The following NRP2 variants were observed in gnomAD, a reference collection of about 807,000 sequenced individuals.
NRP2 encodes the protein neuropilin 2, also known as neuropilin-2.
A neutral mutation model predicts 110.4 loss-of-function variants in NRP2; 52 were observed. The ratio of observed to expected loss-of-function variants is 0.47; its 90% CI spans 0.38 to 0.59. The LOEUF (loss-of-function observed/expected upper bound fraction) is 0.59. NRP2 is among the 20% of genes least tolerant of loss of function. The pLI is 0.00. For missense variants in NRP2, 1,049 were observed against 1,203.0 expected (o/e 0.87, Z 1.89); for synonymous variants, 508 against 468.9 (o/e 1.08, Z -1.08).
intron 7 of NRP2, among the ~76,000 whole-genome samples, chr2:205,734,473 G>A (rs1183422860): frequency 2.8e-5 from 4 of 144,262 alleles, no homozygotes; most frequent in Non-Finnish European, 4.5e-5. Context: ...AATTAAACAG[G>A]ATGGCATTCA....
chr2:205,740,570 G>T lies in NRP2; in HGVS notation c.1198G>T (p.Ala400Ser). 1 of 1,614,174 alleles carries T rather than the reference G, an allele frequency of 6.2e-7. No individual in the cohort carries two copies. Among genetic ancestry groups the T allele is most frequent in the Non-Finnish European group, 8.5e-7 (1 of 1,180,026 alleles). The part of the protein sequence containing the change: ...ATEVVLNKLH[A>S]PLLTRFVRIR... ...TGAGGTGGTTCTGAACAAGCTCCAC[G>T]CTCCACTGCTGACAAGGTTTGTTAG... Residue 400 changes from alanine (A) to serine (S), a missense_variant, in exon 8 of 17, where the codon GCT (alanine) becomes TCT (serine). Physicochemically the swap from Ala to Ser is moderately conservative, Grantham distance 99 (BLOSUM62 1). Transcript: ENST00000357785.
rs372427483 is a variant in NRP2, at chr2:205,771,507, T to TGAAAGA, written c.2425+4713_2425+4718dup. On this transcript the variant is annotated intron_variant, in intron 15 of 16. Transcript: ENST00000357785. Reference sequence around the variant, plus strand: ...ATTCTGACATGCAATGAGCCTTTTTTGAAAGAGAAAGAGAGAAGGCTTACC... The same window carrying TGAAAGA: ...ATTCTGACATGCAATGAGCCTTTTTTGAAAGAGAAAGAGAAAGAGAGAAGGCTTACC... 5.4e-4 allele frequency among the ~76,000 whole-genome samples: 82 copies of TGAAAGA among 152,362 alleles called. 1 individual carries two copies. The highest frequency in any genetic ancestry group is 3.4e-3 in the Middle Eastern group (1 of 294).
At chr2:205,730,286 G>A (rs1018559420) in intron 7 of NRP2, among the ~76,000 whole-genome samples, 1 of 152,112 alleles carries the variant, frequency 6.6e-6, no homozygotes, top group Non-Finnish European at 1.5e-5. Flanking sequence ...GGGCTGTTGG[G>A]GTTGAAGTAG....
In NRP2 at chr2:205,697,216, G is replaced by A. The variant is rs548390459; in HGVS notation, c.74-328G>A. 3.9e-5 allele frequency among the ~76,000 whole-genome samples: 6 copies of A among 152,210 alleles called. No individual in the cohort carries two copies. The South Asian group carries it at 1.2e-3, about 32-fold the overall frequency. ...TGGGCCAAGGAGGGGAGGCAGGAAA[G>A]GCAGGGAGGCATGTTGAGTTTGCAG... On this transcript the variant is annotated intron_variant, in intron 1 of 16. Coordinates refer to ENST00000357785, the MANE Select transcript of NRP2 (RefSeq NM_003872.3).
At chr2:205,720,300 G>A (rs1294067186) in intron 3 of NRP2, among the ~76,000 whole-genome samples, 1 of 142,290 alleles carries the variant, frequency 7.0e-6, no homozygotes, top group Non-Finnish European at 1.5e-5. Flanking sequence ...AGTACCTAAG[G>A]TTGAAGTTTC....
chr2:205,747,697 T>A (rs867525769), intron 10 of NRP2, among the ~76,000 whole-genome samples: 2 of 152,130 alleles, frequency 1.3e-5, no homozygotes, highest in Non-Finnish European at 2.9e-5. Flanking sequence ...AAGGTAGAAG[T>A]CACTTGCCAG....
rs758868316 is a variant in NRP2, at chr2:205,763,888, G to C, written c.2259G>C (p.Glu753Asp). The change falls in exon 13 of 17, where the codon GAG (glutamate) becomes GAC (aspartate). Residue 753 changes from glutamate (E) to aspartate (D), a missense_variant. Transcript: ENST00000357785. The surrounding 1 kb of genome is among the most constrained non-coding windows in gnomAD (Gnocchi z 4.0). ...LWVIREDQGG[E>D]WKHGRIILPS... ...TCATCCGTGAGGACCAGGGCGGCGA[G>C]TGGAAGCACGGGCGGATCATCCTGC... The C allele has an allele frequency of 2.5e-6, 4 of 1,614,072 alleles. No individual in the cohort carries two copies. In the Admixed American group the frequency reaches 5.0e-5, roughly 20 times the overall value.
intron 12 of NRP2, 106 bp downstream of exon 12, chr2:205,753,081 A>G: frequency 6.9e-7 from 1 of 1,440,858 alleles, no homozygotes; most frequent in South Asian, 1.2e-5. Flanking sequence ...CCGCACAGCA[A>G]TCCTCTATTC....
intron 15 of NRP2, chr2:205,776,160 G>A (rs771527300): frequency 2.3e-6 from 3 of 1,308,528 alleles, no homozygotes; most frequent in South Asian, 1.2e-5. Context: ...CAAAGCATGT[G>A]TGTGTTTCTT....
chr2:205,786,878 G>A (rs143737091), intron 15 of NRP2, among the ~76,000 whole-genome samples: 168 of 152,220 alleles, frequency 1.1e-3, no homozygotes, highest in African/African-American at 3.5e-3. Context: ...CCTTTTTGTG[G>A]TCTTCTCTTT....
In NRP2 at chr2:205,697,678, C is replaced by G. The variant is rs545784428; in HGVS notation, c.208C>G (p.Leu70Val). ...YAPEPNQKIVLNFNPHFEIEK... is the reference protein window; with the variant it reads ...YAPEPNQKIVVNFNPHFEIEK... Reference sequence around the variant, plus strand: ...CCCCGAACCCAACCAGAAGATTGTCCTCAACTTCAACCCTCACTTTGAAAT... The same window carrying G: ...CCCCGAACCCAACCAGAAGATTGTCGTCAACTTCAACCCTCACTTTGAAAT... Residue 70 changes from leucine (L) to valine (V), a missense_variant, in exon 2 of 17, where the codon CTC becomes GTC. Transcript: ENST00000357785. 8 of 1,614,042 alleles carry G rather than the reference C, an allele frequency of 5.0e-6. No homozygotes were observed. Among genetic ancestry groups the G allele is most frequent in the Admixed American group, 1.7e-5 (1 of 60,012 alleles).
chr2:205,697,044 C>T (rs543980626), intron 1 of NRP2, among the ~76,000 whole-genome samples: 11 of 152,242 alleles, frequency 7.2e-5, no homozygotes, highest in East Asian at 1.9e-4. Context: ...TTACCAGGCT[C>T]GCTTGTGGGT....
In NRP2 at chr2:205,716,193, G is replaced by T; in HGVS notation, c.252G>T (p.Lys84Asn). 1 of 1,614,132 alleles carries T rather than the reference G, an allele frequency of 6.2e-7. No individual in the cohort carries two copies. The highest frequency in any genetic ancestry group is 8.5e-7 in the Non-Finnish European group (1 of 1,180,028). Residue 84 changes from lysine (K) to asparagine (N), a missense_variant and splice_region_variant, in exon 3 of 17, where the codon AAG (lysine) becomes AAT (asparagine). Lys to Asn is a moderately conservative substitution (Grantham distance 94, BLOSUM62 0). Transcript: ENST00000357785. ...TCTTGTCTGTGCCATCCCCACCCAG[G>T]TATGACTTTATCGAGATTCGGGATG... Reference protein sequence around the residue: ...PHFEIEKHDCKYDFIEIRDGD... With the variant: ...PHFEIEKHDCNYDFIEIRDGD...
intron 9 of NRP2, among the ~76,000 whole-genome samples, chr2:205,744,168 C>T (rs927804038): frequency 6.6e-6 from 1 of 152,090 alleles, no homozygotes; most frequent in South Asian, 2.1e-4. Flanking sequence ...GTGATAGAGC[C>T]GATTCAGAAA....
intron 16 of NRP2, among the ~76,000 whole-genome samples, chr2:205,794,188 G>A (rs2058330849): frequency 6.6e-6 from 1 of 152,152 alleles, no homozygotes; most frequent in African/African-American, 2.4e-5. Flanking sequence ...TCGGCTCACT[G>A]CAAGCTCTGC....
At chr2:205,728,782 G>A (rs536873950) in intron 7 of NRP2, among the ~76,000 whole-genome samples, 1 of 152,362 alleles carries the variant, frequency 6.6e-6, no homozygotes, top group African/African-American at 2.4e-5. Context: ...GCCCATGGGG[G>A]CTTATTGCAA....
chr2:205,732,050 C>T (rs568440058), intron 7 of NRP2, among the ~76,000 whole-genome samples: 8 of 152,338 alleles, frequency 5.3e-5, no homozygotes, highest in African/African-American at 1.7e-4. Context: ...CTCCACAATC[C>T]GCCCTAGGCC....
intron 15 of NRP2, 54 bp from the exon 16 acceptor site, chr2:205,792,181 A>G: frequency 8.1e-7 from 1 of 1,230,798 alleles, no homozygotes; most frequent in East Asian, 2.3e-5. Context: ...CCTGCCTTTT[A>G]GCCATGGTGA....
intron 2 of NRP2, chr2:205,700,698 C>G (rs767523658): frequency 7.3e-5 from 38 of 518,712 alleles, no homozygotes; most frequent in African/African-American, 6.7e-4. Flanking sequence ...TAACTTTGTT[C>G]CATTGAAGCT....
Sources: gnomAD v4.1 joint callset for allele counts (sites outside exome capture counted in the v4.1 genomes callset) on GRCh38, gnomAD v4.1.1 for gene constraint, Gnocchi (gnomAD v3.1) non-coding constraint, MANE v1.5 for transcripts, NCBI Gene and HGNC (gene_info 2026-07-23, HGNC 2026-07-21) for gene names.